The following SDK1 variants were observed in gnomAD, a reference collection of about 807,000 sequenced individuals.
The protein encoded by SDK1 is protein sidekick-1.
In SDK1, 157 loss-of-function variants were observed where a neutral mutation model predicts 245.5. The ratio of observed to expected loss-of-function variants is 0.64; its 90% CI spans 0.56 to 0.73. The LOEUF (loss-of-function observed/expected upper bound fraction) is 0.73, where lower values mean the gene tolerates loss of function less well. Ranked by LOEUF, SDK1 falls within the 30% of genes least tolerant of loss-of-function variation. The pLI, the probability that SDK1 is intolerant of heterozygous loss-of-function variation, is 0.00. For missense variants in SDK1, 3,583 were observed against 3,002.3 expected (o/e 1.19, Z -4.52); for synonymous variants, 1,647 against 1,278.5 (o/e 1.29, Z -6.15).
intron 1 of SDK1, among the ~76,000 whole-genome samples, chr7:3,424,030 A>T (rs1269953988): frequency 1.3e-5 from 2 of 151,822 alleles, no homozygotes; most frequent in Non-Finnish European, 2.9e-5. Context: ...TCCTACCTCA[A>T]ACTCCCAAAT....
intron 20 of SDK1, among the ~76,000 whole-genome samples, chr7:4,068,454 C>T (rs1259773890): frequency 6.6e-6 from 1 of 152,162 alleles, no homozygotes; most frequent in Non-Finnish European, 1.5e-5. Context: ...GTGCCTGTGT[C>T]TCAGCCCTCG....
chr7:3,491,407 A>T (rs1326760710), intron 1 of SDK1, among the ~76,000 whole-genome samples: 1 of 152,222 alleles, frequency 6.6e-6, no homozygotes, highest in East Asian at 1.9e-4. Flanking sequence ...GTTTAGCCAA[A>T]TATGAGACCC....
intron 32 of SDK1, among the ~76,000 whole-genome samples, chr7:4,162,208 T>A (rs12534462): frequency 0.42 from 63,056 of 151,766 alleles, 15,431 homozygotes; most frequent in East Asian, 0.75. Context: ...CTTCTGTGTA[T>A]ACACAAATTG....
chr7:3,700,956 GA>G (rs894767525), intron 4 of SDK1, among the ~76,000 whole-genome samples: 1 of 151,942 alleles, frequency 6.6e-6, no homozygotes, highest in African/African-American at 2.4e-5. Flanking sequence ...GTAGAGTAAA[GA>G]AAAAAAATGT....
chr7:3,723,277 C>T (rs537092562), intron 4 of SDK1, among the ~76,000 whole-genome samples: 11 of 152,266 alleles, frequency 7.2e-5, no homozygotes, highest in Middle Eastern at 6.8e-3. Flanking sequence ...GAGGTAGAGA[C>T]ATAAATTCGT....
chr7:3,636,845 T>C (rs774773614), intron 2 of SDK1, among the ~76,000 whole-genome samples: 14 of 152,144 alleles, frequency 9.2e-5, no homozygotes, highest in South Asian at 2.1e-4. Context: ...GTCAGCAACA[T>C]GTGTTTTTCA....
intron 1 of SDK1, among the ~76,000 whole-genome samples, chr7:3,387,093 G>A (rs187470444): frequency 3.9e-5 from 6 of 152,220 alleles, no homozygotes; most frequent in African/African-American, 9.6e-5. Context: ...TGGCTGACAC[G>A]CCTCTGAACC....
chr7:4,190,639 C>T (rs879741247), intron 35 of SDK1, among the ~76,000 whole-genome samples: 4 of 152,366 alleles, frequency 2.6e-5, no homozygotes, highest in Admixed American at 6.5e-5. Context: ...CTGCACCCGG[C>T]CCACAGCAGG....
intron 1 of SDK1, among the ~76,000 whole-genome samples, chr7:3,468,227 T>C (rs1330023938): frequency 6.6e-6 from 1 of 152,202 alleles, no homozygotes; most frequent in South Asian, 2.1e-4. Context: ...TTACTACTAA[T>C]GAAATGTGAT....
At chr7:3,568,342 C>A (rs1004619428) in intron 1 of SDK1, among the ~76,000 whole-genome samples, 1 of 152,142 alleles carries the variant, frequency 6.6e-6, no homozygotes, top group Admixed American at 6.5e-5. Flanking sequence ...TAATGTTGTT[C>A]TTCTCAGTGT....
chr7:3,584,982 C>T (rs1780638149), intron 1 of SDK1, among the ~76,000 whole-genome samples: 1 of 152,106 alleles, frequency 6.6e-6, no homozygotes, highest in African/African-American at 2.4e-5. Flanking sequence ...CCTCGGCCTC[C>T]CAAAGTGCTG....
At chr7:4,130,378 G>A (rs1784725795) in intron 27 of SDK1, 1 of 444,616 alleles carries the variant, frequency 2.2e-6, no homozygotes, top group Non-Finnish European at 4.0e-6. Flanking sequence ...CTGGGGCGGG[G>A]CCGAGCTGTG....
rs560928899 is a variant in SDK1, at chr7:3,432,834, A to G, written c.298+130950A>G. The stretch of plus-strand genomic sequence containing the variant: ...TAATCCACAAATAGAATTTTTCTTC[A>G]TCTGAAAGAGATTTCTCCTAAACCA... On this transcript the variant is annotated intron_variant, in intron 1 of 44. Coordinates refer to ENST00000404826, the MANE Select transcript of SDK1 (RefSeq NM_152744.4). 5.3e-5 allele frequency among the ~76,000 whole-genome samples: 8 copies of G among 152,310 alleles called. 1 individual carries two copies. The South Asian group carries it at 1.2e-3, about 24-fold the overall frequency.
At chr7:4,068,501 C>G (rs2128173507) in intron 20 of SDK1, among the ~76,000 whole-genome samples, 1 of 152,140 alleles carries the variant, frequency 6.6e-6, no homozygotes, top group East Asian at 1.9e-4. Flanking sequence ...AGATCTGGGT[C>G]TTCTGACTCC....
At chr7:3,618,306 C>G (rs1486302117) in intron 1 of SDK1, among the ~76,000 whole-genome samples, 2 of 152,220 alleles carry the variant, frequency 1.3e-5, no homozygotes, top group African/African-American at 2.4e-5. Flanking sequence ...ACCCCCGTCG[C>G]TATCCCATCC....
chr7:3,398,556 C>T (rs73296364), intron 1 of SDK1, among the ~76,000 whole-genome samples: 8,755 of 151,914 alleles, frequency 0.058, 706 homozygotes, highest in African/African-American at 0.18. Flanking sequence ...CAGAAGGCTC[C>T]GGGCATATTT....
intron 4 of SDK1, among the ~76,000 whole-genome samples, chr7:3,648,989 T>TC (rs1453618604): frequency 1.3e-5 from 2 of 152,224 alleles, no homozygotes; most frequent in African/African-American, 4.8e-5. Context: ...CAGTTGTTCT[T>TC]CCCCTCCCTC....
At chr7:3,853,357 C>T (rs895047695) in intron 5 of SDK1, among the ~76,000 whole-genome samples, 5 of 152,122 alleles carry the variant, frequency 3.3e-5, no homozygotes, top group African/African-American at 7.2e-5. Flanking sequence ...ATAAACATAA[C>T]TGTCCTCAAG....
intron 14 of SDK1, among the ~76,000 whole-genome samples, chr7:3,997,117 A>G (rs1357403326): frequency 6.6e-6 from 1 of 152,144 alleles, no homozygotes; most frequent in Non-Finnish European, 1.5e-5. Context: ...TTCTGTCACC[A>G]TAGATTAGGT....
Sources: allele counts gnomAD v4.1 joint callset (sites outside exome capture counted in the v4.1 genomes callset), GRCh38; gene constraint gnomAD v4.1.1; transcripts MANE v1.5; gene names NCBI Gene and HGNC (gene_info 2026-07-23, HGNC 2026-07-21).